PTPMT1: variants seen among roughly 807,000 people sequenced by gnomAD.
PTPMT1 encodes phosphatidylglycerophosphatase and protein-tyrosine phosphatase 1.
PTPMT1 carries 12 observed loss-of-function variants against 17.8 expected under a neutral mutation model. The observed-to-expected ratio is 0.67, with a 90% CI of 0.43 to 1.09. The LOEUF (loss-of-function observed/expected upper bound fraction) is 1.09. PTPMT1 is among the 50% of genes least tolerant of loss of function. PTPMT1 has a pLI of 0.00. For missense variants in PTPMT1, 262 were observed against 266.0 expected (o/e 0.99, Z 0.10); for synonymous variants, 132 against 116.8 (o/e 1.13, Z -0.84).
chr11:47,567,550 ATTTCT>A (rs1190753696), intron 2 of PTPMT1, among the ~76,000 whole-genome samples: 1 of 139,586 alleles, frequency 7.2e-6, no homozygotes, highest in African/African-American at 2.6e-5. Context: ...CCTTATTTCT[ATTTCT>A]TTTCTTTTTT....
chr11:47,572,600 G>A lies in PTPMT1; in HGVS notation c.*971G>A. On this transcript the variant is annotated 3_prime_UTR_variant, in exon 4 of 4. Transcript: ENST00000326674. The stretch of plus-strand genomic sequence containing the variant: ...TCTTTCCTTATGTCCTGGGATCAGG[G>A]GTGCTTACATTTAACATTGATCAGG... 3.3e-6 allele frequency: 1 copy of A among 302,170 alleles called. No homozygotes were observed. Among genetic ancestry groups the A allele is most frequent in the Non-Finnish European group, 6.1e-6 (1 of 162,640 alleles). 18.7% of individuals were successfully genotyped at this position (302,170 alleles called of 1,614,324 possible). A position where few individuals can be genotyped will look rare whatever the true frequency, so the allele number is the denominator to read the frequency against.
In PTPMT1 at chr11:47,573,016, A is replaced by G. The variant is rs1226358900; in HGVS notation, c.*1387A>G. 1 of 1,614,166 alleles carries G rather than the reference A, an allele frequency of 6.2e-7. No homozygotes were observed. The highest frequency in any genetic ancestry group is 8.5e-7 in the Non-Finnish European group (1 of 1,180,028). ...GCTGAAGTGGCAGGGTCAAGCTTGT[A>G]GGTGTTGGCATCCCCCTTTTTATAT... On this transcript the variant is annotated 3_prime_UTR_variant, in exon 4 of 4. Transcript: ENST00000326674. The surrounding 1 kb of genome is among the most constrained non-coding windows in gnomAD (Gnocchi z 4.1).
chr11:47,567,559 CTTT>C, intron 2 of PTPMT1, among the ~76,000 whole-genome samples: 1 of 116,130 alleles, frequency 8.6e-6, no homozygotes. Flanking sequence ...TATTTCTTTT[CTTT>C]TTTTTTTTTT....
At chr11:47,568,111 G>A (rs1038138839) in intron 2 of PTPMT1, among the ~76,000 whole-genome samples, 9 of 151,636 alleles carry the variant, frequency 5.9e-5, no homozygotes, top group Admixed American at 1.3e-4. Context: ...TAGTAGAGAC[G>A]GGGTTTCACC....
At position 47,572,724 on chromosome 11, in the gene PTPMT1, GCCT is replaced by G; in HGVS notation, c.*1096_*1098del. Reference sequence around the variant, plus strand: ...CTAGGGAATGGCAGAGAACAGGCTGGCCTACTGTCAGTTCAAGCAACCAGCTGA... The same window carrying G: ...CTAGGGAATGGCAGAGAACAGGCTGGACTGTCAGTTCAAGCAACCAGCTGA... On this transcript the variant is annotated 3_prime_UTR_variant, in exon 4 of 4. Coordinates refer to ENST00000326674, the MANE Select transcript of PTPMT1 (RefSeq NM_175732.3). 1.7e-6 allele frequency: 1 copy of G among 596,778 alleles called. No individual in the cohort carries two copies. The highest frequency in any genetic ancestry group is 2.9e-6 in the Non-Finnish European group (1 of 339,706). 37.0% of individuals were successfully genotyped at this position (596,778 alleles called of 1,614,324 possible). A position where few individuals can be genotyped will look rare whatever the true frequency, so the allele number is the denominator to read the frequency against.
intron 2 of PTPMT1, among the ~76,000 whole-genome samples, chr11:47,567,919 A>T (rs2097247168): frequency 1.3e-5 from 2 of 151,550 alleles, no homozygotes; most frequent in African/African-American, 4.9e-5. Flanking sequence ...TTTTAATTTT[A>T]TTTTTGTTTT....
chr11:47,568,259 A>C (rs929741190), intron 2 of PTPMT1, among the ~76,000 whole-genome samples: 27 of 152,146 alleles, frequency 1.8e-4, no homozygotes, highest in Admixed American at 2.0e-4. Flanking sequence ...ATTTTCTACC[A>C]TATGTTCCCT....
chr11:47,566,484 T>A (rs548639905), intron 2 of PTPMT1, among the ~76,000 whole-genome samples: 7 of 99,858 alleles, frequency 7.0e-5, no homozygotes, highest in African/African-American at 3.0e-4. Context: ...AGTGAAACAA[T>A]GTCTCAAAAA....
In PTPMT1 at chr11:47,565,754, C is replaced by T; in HGVS notation, c.132C>T (p.Thr44=). 1 of 1,594,506 alleles carries T rather than the reference C, an allele frequency of 6.3e-7. No homozygotes were observed. Among genetic ancestry groups the T allele is most frequent in the Non-Finnish European group, 8.5e-7 (1 of 1,172,032 alleles). Residue 44 remains threonine, a synonymous_variant, in exon 1 of 4, where the codon ACC becomes ACT. Transcript: ENST00000326674. ...HRDWYHRIDP[T]VLLGALPLRS... ...ACTGGTACCACCGCATCGACCCCAC[C>T]GTGCTGCTGGGCGCGCTGCCGTTGC...
chr11:47,573,214 C>T lies in PTPMT1; in HGVS notation c.*1585C>T, dbSNP rs768943581. ...AACACCAGATCTTTATGCACAGCTG[C>T]GTGCATGCGGCCTGCAAAGGGCAGC... On this transcript the variant is annotated 3_prime_UTR_variant, in exon 4 of 4. Transcript: ENST00000326674. This position sits in a 1 kb window ranked among gnomAD's most constrained non-coding sequence, Gnocchi z 4.1. 6.8e-6 allele frequency: 11 copies of T among 1,614,138 alleles called. No homozygotes were observed. The highest frequency in any genetic ancestry group is 2.2e-5 in the East Asian group (1 of 44,874).
chr11:47,569,980 C>G (rs935432026), intron 3 of PTPMT1, 89 bp downstream of exon 3: 8 of 1,110,996 alleles, frequency 7.2e-6, no homozygotes, highest in Non-Finnish European at 9.1e-6. Flanking sequence ...ATGGCTTGAG[C>G]CCAGGAGTTT....
Position 47,573,011 on chromosome 11 carries a change from C to T in PTPMT1, c.*1382C>T, listed in dbSNP as rs150112833. ...TTACGGCTGAAGTGGCAGGGTCAAG[C>T]TTGTAGGTGTTGGCATCCCCCTTTT... On this transcript the variant is annotated 3_prime_UTR_variant, in exon 4 of 4. Coordinates refer to ENST00000326674, the MANE Select transcript of PTPMT1 (RefSeq NM_175732.3). The surrounding 1 kb of genome is among the most constrained non-coding windows in gnomAD (Gnocchi z 4.1). 1.4e-5 allele frequency: 22 copies of T among 1,614,128 alleles called. No homozygotes were observed. The highest frequency in any genetic ancestry group is 1.7e-5 in the Non-Finnish European group (20 of 1,180,028).
At chr11:47,567,559 CTTTTTTTTTT>C (rs370022255) in intron 2 of PTPMT1, among the ~76,000 whole-genome samples, 21 of 116,174 alleles carry the variant, frequency 1.8e-4, no homozygotes, top group Non-Finnish European at 2.8e-4. Flanking sequence ...TATTTCTTTT[CTTTTTTTTTT>C]TTTTTTTTTG....
intron 2 of PTPMT1, among the ~76,000 whole-genome samples, chr11:47,567,206 A>T (rs1270201065): frequency 6.6e-6 from 1 of 152,076 alleles, no homozygotes; most frequent in Non-Finnish European, 1.5e-5. Flanking sequence ...GTTTGAGATC[A>T]GCCTGGCCAA....
intron 3 of PTPMT1, among the ~76,000 whole-genome samples, chr11:47,570,200 A>C (rs1341005152): frequency 6.6e-6 from 1 of 151,942 alleles, no homozygotes; most frequent in African/African-American, 2.4e-5. Context: ...AAAAAAAAAA[A>C]AAAAAAAAAG....
Position 47,565,706 on chromosome 11 carries a change from G to A in PTPMT1, c.84G>A (p.Lys28=). 1 of 1,567,628 alleles carries A rather than the reference G, an allele frequency of 6.4e-7. No individual in the cohort carries two copies. The highest frequency in any genetic ancestry group is 8.6e-7 in the Non-Finnish European group (1 of 1,161,010). Residue 28 remains lysine, a synonymous_variant, in exon 1 of 4, where the codon AAG becomes AAA. Coordinates refer to ENST00000326674, the MANE Select transcript of PTPMT1 (RefSeq NM_175732.3). The stretch of plus-strand genomic sequence containing the variant: ...TGCTCTACACCCTGTTCCGCGGGAA[G>A]GTGCCGGGTCGGGCGCACCGGGACT... ...PTLLYTLFRG[K]VPGRAHRDWY...
In PTPMT1 at chr11:47,573,057, T is replaced by C. The variant is rs770062216; in HGVS notation, c.*1428T>C. The C allele has an allele frequency of 2.7e-5, 44 of 1,613,974 alleles. No individual in the cohort carries two copies. The highest frequency in any genetic ancestry group is 3.1e-5 in the Non-Finnish European group (37 of 1,180,034). ...CTTTTTATATCGGTCCCGGAAGACA[T>C]AGATGCTCCCGTTACAGCTGGCAAT... On this transcript the variant is annotated 3_prime_UTR_variant, in exon 4 of 4. Transcript: ENST00000326674. This position sits in a 1 kb window ranked among gnomAD's most constrained non-coding sequence, Gnocchi z 4.1.
In PTPMT1 at chr11:47,571,382, C is replaced by CA. The variant is rs2097249565; in HGVS notation, c.448-88dup. The CA allele has an allele frequency of 4.4e-6, 5 of 1,131,678 alleles. No individual in the cohort carries two copies. The South Asian group carries it at 5.8e-5, about 13-fold the overall frequency. The allele number at this position is 1,131,678 out of a possible 1,614,324, so 70.1% of individuals were successfully genotyped here. On this transcript the variant is annotated intron_variant, in intron 3 of 3. Coordinates refer to ENST00000326674, the MANE Select transcript of PTPMT1 (RefSeq NM_175732.3). ...TAGAGTTTCCAAAGAAATGAAATCT[C>CA]AGAGTCCTTTAGCACCTGCTCATGG... is the stretch of plus-strand genomic sequence containing the variant.
Position 47,568,392 on chromosome 11 carries a change from C to G in PTPMT1, c.256-1308C>G, listed in dbSNP as rs542257258. Among the ~76,000 whole-genome samples the G allele has an allele frequency of 4.3e-4, 65 of 152,120 alleles. 2 individuals are homozygous for G. In the South Asian group the frequency reaches 0.013, roughly 30 times the overall value. On this transcript the variant is annotated intron_variant, in intron 2 of 3. Transcript: ENST00000326674. The stretch of plus-strand genomic sequence containing the variant: ...GCCAAAATTATGCAAAAAAATTACA[C>G]TGGCTGGGCCTGGTGGCTCATGCCT...
Sources: gnomAD v4.1 joint callset for allele counts (sites outside exome capture counted in the v4.1 genomes callset) on GRCh38, gnomAD v4.1.1 for gene constraint, Gnocchi (gnomAD v3.1) non-coding constraint, MANE v1.5 for transcripts, NCBI Gene and HGNC (gene_info 2026-07-23, HGNC 2026-07-21) for gene names.